Variants in ELOVL2 observed in about 807,000 individuals in gnomAD.
ELOVL2 encodes ELOVL fatty acid elongase 2, also known as very long chain fatty acid elongase 2.
ELOVL2 carries 38 observed loss-of-function variants against 37.7 expected under a neutral mutation model. The observed-to-expected ratio is 1.01, with a 90% CI of 0.78 to 1.32. The LOEUF (loss-of-function observed/expected upper bound fraction) is 1.32, where lower values mean the gene tolerates loss of function less well. ELOVL2 is among the 40% of genes most tolerant of loss of function. The pLI is 0.00. For synonymous variants in ELOVL2, 115 were observed against 122.3 expected (o/e 0.94, Z 0.40); for missense variants, 352 against 363.6 (o/e 0.97, Z 0.26).
At chr6:10,995,411 C>T (rs1283322465) in intron 4 of ELOVL2, among the ~76,000 whole-genome samples, 1 of 54,060 alleles carries the variant, frequency 1.8e-5, no homozygotes, top group African/African-American at 8.3e-5. Flanking sequence ...TCACGTTCCT[C>T]CTCTGCATCC....
chr6:11,038,818 G>A (rs1783056553), intron 1 of ELOVL2, among the ~76,000 whole-genome samples: 1 of 152,144 alleles, frequency 6.6e-6, no homozygotes, highest in East Asian at 1.9e-4. Flanking sequence ...ACTGAAACAT[G>A]CTCAAACTGA....
intron 1 of ELOVL2, among the ~76,000 whole-genome samples, chr6:11,037,902 A>G (rs147076351): frequency 6.6e-6 from 1 of 152,358 alleles, no homozygotes; most frequent in Non-Finnish European, 1.5e-5. Flanking sequence ...GTATATATCC[A>G]TATCTATCTA....
intron 1 of ELOVL2, among the ~76,000 whole-genome samples, chr6:11,040,396 C>T (rs1783080992): frequency 1.3e-5 from 2 of 151,982 alleles, no homozygotes; most frequent in Non-Finnish European, 2.9e-5. Context: ...CTAGCCTGAA[C>T]TGAGATGCAC....
chr6:11,012,615 T>C (rs2113527109), intron 1 of ELOVL2, among the ~76,000 whole-genome samples: 1 of 152,206 alleles, frequency 6.6e-6, no homozygotes, highest in South Asian at 2.1e-4. Context: ...ACGCTAAAGG[T>C]CACAAAGCCC....
Position 10,993,857 on chromosome 6 carries a change from ATTTTTTTTTT to A in ELOVL2, c.505+1140_505+1149del, listed in dbSNP as rs530539525. Reference sequence around the variant, plus strand: ...AAGTGCACGTCACCACGCCCAGCTAATTTTTTTTTTTTTTTTTTTTTTTTTTTTTGGTAGA... The same window carrying A: ...AAGTGCACGTCACCACGCCCAGCTAATTTTTTTTTTTTTTTTTTTGGTAGA... On this transcript the variant is annotated intron_variant, in intron 5 of 7. Coordinates refer to ENST00000354666, the MANE Select transcript of ELOVL2 (RefSeq NM_017770.4). 9.1e-4 allele frequency among the ~76,000 whole-genome samples: 72 copies of A among 79,102 alleles called. 1 individual carries two copies. The highest frequency in any genetic ancestry group is 6.1e-3 in the East Asian group (15 of 2,476). 51.9% of individuals were successfully genotyped at this position (79,102 alleles called of 152,430 possible). A position where few individuals can be genotyped will look rare whatever the true frequency, so the allele number is the denominator to read the frequency against.
intron 1 of ELOVL2, among the ~76,000 whole-genome samples, chr6:11,029,652 C>CT (rs112613338): frequency 0.019 from 2,829 of 152,164 alleles, 82 homozygotes; most frequent in African/African-American, 0.064. Context: ...AGAGTGATGT[C>CT]TTTTTAAAGA....
At chr6:10,987,829 A>G (rs1452756504) in intron 7 of ELOVL2, among the ~76,000 whole-genome samples, 1 of 152,042 alleles carries the variant, frequency 6.6e-6, no homozygotes, top group African/African-American at 2.4e-5. Context: ...GGCTTGATCT[A>G]GTTTTTGGCA....
intron 3 of ELOVL2, among the ~76,000 whole-genome samples, chr6:11,002,542 G>A (rs1292773845): frequency 6.6e-6 from 1 of 152,198 alleles, no homozygotes; most frequent in Non-Finnish European, 1.5e-5. Context: ...ATCAATGGTA[G>A]TGATTTTGAA....
chr6:10,992,379 C>T (rs1782177896), intron 5 of ELOVL2, among the ~76,000 whole-genome samples: 1 of 152,114 alleles, frequency 6.6e-6, no homozygotes, highest in Admixed American at 6.6e-5. Flanking sequence ...GAGAACAAGA[C>T]AGTATCAAAT....
At chr6:11,042,645 T>C (rs998839298) in intron 1 of ELOVL2, among the ~76,000 whole-genome samples, 9 of 151,890 alleles carry the variant, frequency 5.9e-5, no homozygotes, top group Admixed American at 3.9e-4. Flanking sequence ...GCAAAGAGCA[T>C]GAAGCGACAG....
At chr6:10,991,991 T>C (rs1782168694) in intron 5 of ELOVL2, among the ~76,000 whole-genome samples, 2 of 152,216 alleles carry the variant, frequency 1.3e-5, no homozygotes, top group South Asian at 4.1e-4. Flanking sequence ...CAGGACTATG[T>C]CTGTACACAG....
intron 1 of ELOVL2, among the ~76,000 whole-genome samples, chr6:11,035,209 C>T (rs1300107430): frequency 1.3e-5 from 2 of 152,090 alleles, no homozygotes; most frequent in East Asian, 3.9e-4. Context: ...TTCCTTCCTT[C>T]CCTACATACC....
chr6:11,015,014 G>A (rs1025231709), intron 1 of ELOVL2, among the ~76,000 whole-genome samples: 10 of 152,110 alleles, frequency 6.6e-5, no homozygotes, highest in African/African-American at 2.4e-4. Context: ...TAGCCATATA[G>A]TAAATACTAC....
intron 7 of ELOVL2, among the ~76,000 whole-genome samples, chr6:10,987,988 A>T (rs147205325): frequency 2.0e-4 from 30 of 152,304 alleles, no homozygotes; most frequent in African/African-American, 6.5e-4. Flanking sequence ...TGTAGGGCTA[A>T]GGCTTTGAAT....
chr6:11,001,128 A>G (rs1459810210), intron 3 of ELOVL2, among the ~76,000 whole-genome samples: 1 of 152,234 alleles, frequency 6.6e-6, no homozygotes, highest in Non-Finnish European at 1.5e-5. Flanking sequence ...TAAAATACAT[A>G]TACACAGCTG....
intron 3 of ELOVL2, among the ~76,000 whole-genome samples, chr6:11,003,652 A>G (rs1782428548): frequency 6.6e-6 from 1 of 152,326 alleles, no homozygotes; most frequent in African/African-American, 2.4e-5. Context: ...GCCTTCTGCT[A>G]TATAGAGAAA....
At chr6:11,007,295 CTT>C (rs1312690703) in intron 2 of ELOVL2, among the ~76,000 whole-genome samples, 3 of 152,170 alleles carry the variant, frequency 2.0e-5, no homozygotes, top group Non-Finnish European at 2.9e-5. Flanking sequence ...AAAATAGAGT[CTT>C]TGCAGATATA....
At chr6:10,994,776 GGAAAA>G (rs1338723511) in intron 5 of ELOVL2, among the ~76,000 whole-genome samples, 1 of 152,124 alleles carries the variant, frequency 6.6e-6, no homozygotes, top group East Asian at 1.9e-4. Context: ...TATGATGTGT[GGAAAA>G]GAAAACAGTT....
intron 1 of ELOVL2, among the ~76,000 whole-genome samples, chr6:11,017,603 T>C (rs147426466): frequency 2.3e-3 from 357 of 152,338 alleles, no homozygotes; most frequent in African/African-American, 8.0e-3. Context: ...CACATGGCTC[T>C]TGTGTTTTAT....
Sources: gnomAD v4.1 joint callset for allele counts (sites outside exome capture counted in the v4.1 genomes callset) on GRCh38, gnomAD v4.1.1 for gene constraint, MANE v1.5 for transcripts, NCBI Gene and HGNC (gene_info 2026-07-23, HGNC 2026-07-21) for gene names.